The following LRMDA variants were observed in gnomAD, a reference collection of about 807,000 sequenced individuals.
LRMDA encodes the protein leucine rich melanocyte differentiation associated.
A neutral mutation model predicts 29.8 loss-of-function variants in LRMDA; 18 were observed. That is an observed-to-expected ratio of 0.60 (90% CI 0.42 to 0.90). LRMDA has a LOEUF of 0.90. Ranked by LOEUF, LRMDA falls within the 40% of genes least tolerant of loss-of-function variation. The pLI is 0.00. For missense variants in LRMDA, 273 were observed against 273.9 expected (o/e 1.00, Z 0.02); for synonymous variants, 125 against 109.4 (o/e 1.14, Z -0.89).
intron 2 of LRMDA, among the ~76,000 whole-genome samples, chr10:75,735,113 C>A (rs1252740621): frequency 6.6e-6 from 1 of 152,186 alleles, no homozygotes; most frequent in Non-Finnish European, 1.5e-5. Flanking sequence ...ATCCCAAGTA[C>A]CTGCAACAGT....
intron 2 of LRMDA, among the ~76,000 whole-genome samples, chr10:75,478,043 GCCT>G (rs962920313): frequency 1.3e-4 from 20 of 152,206 alleles, no homozygotes; most frequent in African/African-American, 4.8e-4. Context: ...CTCTGCTGAG[GCCT>G]CCTTTCTGGA....
intron 2 of LRMDA, among the ~76,000 whole-genome samples, chr10:75,862,071 A>G (rs867786606): frequency 6.6e-6 from 1 of 152,160 alleles, no homozygotes; most frequent in Non-Finnish European, 1.5e-5. Flanking sequence ...TGAGACCAGT[A>G]GAAGAACTGA....
intron 5 of LRMDA, among the ~76,000 whole-genome samples, chr10:76,233,309 A>G (rs1852094390): frequency 6.6e-6 from 1 of 152,256 alleles, no homozygotes; most frequent in South Asian, 2.1e-4. Flanking sequence ...AACAATATAC[A>G]TACCTTAATT....
rs1459116066 is a variant in LRMDA, at chr10:75,973,065, AGC to A, written c.132-62942_132-62941del. Among the ~76,000 whole-genome samples, 3 of 144,646 alleles carry A rather than the reference AGC, an allele frequency of 2.1e-5. No individual in the cohort carries two copies. In the East Asian group the frequency reaches 6.0e-4, roughly 29 times the overall value. The allele number at this position is 144,646 out of a possible 152,430, so 94.9% of individuals were successfully genotyped here. ...CAGCAGCAGCAGCAGCAGCAGCAGC[AGC>A]AGCAGCTACTCCTGTTTACGTGTTC... On this transcript the variant is annotated intron_variant, in intron 2 of 6. Transcript: ENST00000611255.
At chr10:75,507,061 G>A (rs1188594383) in intron 2 of LRMDA, among the ~76,000 whole-genome samples, 1 of 151,928 alleles carries the variant, frequency 6.6e-6, no homozygotes, top group East Asian at 1.9e-4. Flanking sequence ...TCATTCAGGT[G>A]CAAAATTCAG....
chr10:76,070,618 G>A (rs1241919882), intron 5 of LRMDA, among the ~76,000 whole-genome samples: 4 of 152,174 alleles, frequency 2.6e-5, no homozygotes, highest in African/African-American at 9.7e-5. Context: ...TGAATTTGGG[G>A]GTACGCATTC....
chr10:75,571,668 G>A (rs1464013729), intron 2 of LRMDA, among the ~76,000 whole-genome samples: 1 of 152,132 alleles, frequency 6.6e-6, no homozygotes, highest in African/African-American at 2.4e-5. Flanking sequence ...AAGGTACCTT[G>A]GCTTTTAAGA....
Position 76,125,834 on chromosome 10 carries a change from C to T in LRMDA, c.516+67051C>T, listed in dbSNP as rs571474885. Among the ~76,000 whole-genome samples, 9 of 152,266 alleles carry T rather than the reference C, an allele frequency of 5.9e-5. No individual in the cohort carries two copies. The South Asian group carries it at 1.9e-3, about 32-fold the overall frequency. ...CACTGTCTACTCACAGAGCATAAAC[C>T]CAGAATGTTTTGTCTGTCCTACTCC... On this transcript the variant is annotated intron_variant, in intron 5 of 6. Transcript: ENST00000611255.
intron 2 of LRMDA, among the ~76,000 whole-genome samples, chr10:75,950,846 G>T (rs1046894751): frequency 6.6e-6 from 1 of 152,192 alleles, no homozygotes; most frequent in Non-Finnish European, 1.5e-5. Flanking sequence ...ATGGCTCCTG[G>T]ATTGTTTCTT....
intron 5 of LRMDA, among the ~76,000 whole-genome samples, chr10:76,288,330 T>G (rs2132343717): frequency 6.6e-6 from 1 of 152,234 alleles, no homozygotes; most frequent in South Asian, 2.1e-4. Flanking sequence ...AAAAGACACA[T>G]GCACGTGTGT....
intron 6 of LRMDA, among the ~76,000 whole-genome samples, chr10:76,423,120 C>T (rs550922326): frequency 6.6e-6 from 1 of 152,330 alleles, no homozygotes; most frequent in Non-Finnish European, 1.5e-5. Context: ...TGAGGCCAGG[C>T]GTAGTGGCAC....
chr10:76,139,262 C>T (rs1310598469), intron 5 of LRMDA, among the ~76,000 whole-genome samples: 1 of 152,106 alleles, frequency 6.6e-6, no homozygotes, highest in African/African-American at 2.4e-5. Context: ...CTGAATGATG[C>T]TGTTAGTAGA....
chr10:76,260,645 G>T (rs1304489615), intron 5 of LRMDA, among the ~76,000 whole-genome samples: 4 of 152,128 alleles, frequency 2.6e-5, no homozygotes, highest in Non-Finnish European at 5.9e-5. Flanking sequence ...TTGACAATTT[G>T]AGTATAATGT....
intron 2 of LRMDA, among the ~76,000 whole-genome samples, chr10:75,569,013 G>A (rs1353920372): frequency 6.6e-6 from 1 of 152,078 alleles, no homozygotes; most frequent in African/African-American, 2.4e-5. Context: ...AAGGGTGCTG[G>A]GCTCCTCTTT....
rs1436518404 is a variant in LRMDA at position 76,009,153 on chromosome 10, C to CA, written c.132-26854dup. Among the ~76,000 whole-genome samples, 3 of 152,092 alleles carry CA rather than the reference C, an allele frequency of 2.0e-5. No homozygotes were observed. In the East Asian group the frequency reaches 5.8e-4, roughly 29 times the overall value. On this transcript the variant is annotated intron_variant, in intron 2 of 6. Transcript: ENST00000611255. ...AGCCCCTCACTCTGCTTTTAATGACCACCATGAGCTGATTCTCAACAATGT... is the reference window on the plus strand; with the variant it reads ...AGCCCCTCACTCTGCTTTTAATGACCAACCATGAGCTGATTCTCAACAATGT...
intron 6 of LRMDA, among the ~76,000 whole-genome samples, chr10:76,360,854 C>T (rs1299553664): frequency 6.6e-6 from 1 of 152,062 alleles, no homozygotes; most frequent in African/African-American, 2.4e-5. Flanking sequence ...ATGCAGATAC[C>T]CCTGGAAGAG....
At chr10:76,521,224 C>A (rs989343732) in intron 6 of LRMDA, among the ~76,000 whole-genome samples, 3 of 151,860 alleles carry the variant, frequency 2.0e-5, no homozygotes, top group South Asian at 2.1e-4. Context: ...AGCTCCACCT[C>A]CCGGGTTCAT....
chr10:76,445,537 A>C (rs1842346533), intron 6 of LRMDA, among the ~76,000 whole-genome samples: 1 of 152,238 alleles, frequency 6.6e-6, no homozygotes, highest in South Asian at 2.1e-4. Flanking sequence ...TGCCAGAGTT[A>C]ATCACAGCCA....
intron 2 of LRMDA, among the ~76,000 whole-genome samples, chr10:75,698,103 C>T (rs963830544): frequency 2.0e-5 from 3 of 152,144 alleles, no homozygotes; most frequent in Non-Finnish European, 4.4e-5. Flanking sequence ...AATGATGGAA[C>T]CAAGGTTCAA....
Sources: gnomAD v4.1 joint callset for allele counts (sites outside exome capture counted in the v4.1 genomes callset) on GRCh38, gnomAD v4.1.1 for gene constraint, MANE v1.5 for transcripts, NCBI Gene and HGNC (gene_info 2026-07-23, HGNC 2026-07-21) for gene names.